Variants in CALN1 observed in about 807,000 individuals in gnomAD.
CALN1 encodes calneuron 1, also known as calcium-binding protein 8.
CALN1 carries 17 observed loss-of-function variants against 30.6 expected under a neutral mutation model. The observed-to-expected ratio is 0.56, with a 90% CI of 0.38 to 0.83. CALN1 has a LOEUF of 0.83. Ranked by LOEUF, CALN1 falls within the 40% of genes least tolerant of loss-of-function variation. The probability of loss-of-function intolerance (pLI) is 0.00; values close to 1 mark genes in which losing one functional copy is unlikely to be tolerated. For synonymous variants in CALN1, 156 were observed against 131.4 expected (o/e 1.19, Z -1.28); for missense variants, 291 against 354.9 (o/e 0.82, Z 1.45).
chr7:72,234,170 C>T (rs1794313089), intron 3 of CALN1, among the ~76,000 whole-genome samples: 1 of 152,122 alleles, frequency 6.6e-6, no homozygotes, highest in Non-Finnish European at 1.5e-5. Flanking sequence ...AAGATAGAGG[C>T]AGTTTGCAGG....
intron 5 of CALN1, among the ~76,000 whole-genome samples, chr7:71,827,629 G>A (rs1222941170): frequency 4.0e-5 from 6 of 151,828 alleles, no homozygotes; most frequent in Non-Finnish European, 7.4e-5. Flanking sequence ...AAAATTAGCT[G>A]GGCATGGTGG....
chr7:72,147,888 A>G (rs1786885404), intron 3 of CALN1, among the ~76,000 whole-genome samples: 1 of 148,742 alleles, frequency 6.7e-6, no homozygotes, highest in African/African-American at 2.5e-5. Context: ...CACAGGTGGG[A>G]ATTGAACATT....
rs1797520843 is a variant in CALN1 at position 72,278,628 on chromosome 7, AG to A, written c.244+57del. On this transcript the variant is annotated intron_variant, in intron 3 of 6. Coordinates refer to ENST00000395275, the MANE Select transcript of CALN1 (RefSeq NM_031468.4). ...AGGGCTTTCAATTGAGCTTCACAAT[AG>A]CCAGAAACACCTCCCTGGGAGGGGG... 4 of 1,587,048 alleles carry A rather than the reference AG, an allele frequency of 2.5e-6. No individual in the cohort carries two copies. In the Admixed American group the frequency reaches 5.0e-5, roughly 20 times the overall value.
At position 72,048,529 on chromosome 7, in the gene CALN1, G is replaced by T. The variant is rs186167584; in HGVS notation, c.389-24760C>A. 3.3e-5 allele frequency among the ~76,000 whole-genome samples: 5 copies of T among 152,216 alleles called. No individual in the cohort carries two copies. In the East Asian group the frequency reaches 9.6e-4, roughly 29 times the overall value. The stretch of plus-strand genomic sequence containing the variant: ...GGAAAAGTTGAAATCTGCATGATAT[G>T]AACTTTTTACTTATACACTTAGACT... On this transcript the variant is annotated intron_variant, in intron 4 of 6. Transcript: ENST00000395275.
chr7:72,145,774 T>G (rs1375620716), intron 3 of CALN1, among the ~76,000 whole-genome samples: 1 of 152,138 alleles, frequency 6.6e-6, no homozygotes, highest in East Asian at 1.9e-4. Flanking sequence ...TTATCCACCA[T>G]GATCAAGTGG....
intron 5 of CALN1, among the ~76,000 whole-genome samples, chr7:71,838,765 G>T (rs1285037006): frequency 6.6e-6 from 1 of 152,046 alleles, no homozygotes; most frequent in African/African-American, 2.4e-5. Flanking sequence ...TTTATAAGGG[G>T]CTTTTCCCTC....
chr7:72,399,052 G>A (rs563361688), intron 2 of CALN1, among the ~76,000 whole-genome samples: 11 of 152,170 alleles, frequency 7.2e-5, no homozygotes, highest in African/African-American at 2.2e-4. Flanking sequence ...TGAGAAAAAG[G>A]AGTAGAAGAG....
intron 3 of CALN1, among the ~76,000 whole-genome samples, chr7:72,189,318 G>A (rs867421319): frequency 3.3e-5 from 5 of 152,080 alleles, no homozygotes; most frequent in South Asian, 4.2e-4. Context: ...TTTGGAGAGC[G>A]GACTTTTTTG....
chr7:72,294,682 A>T (rs954922120), intron 2 of CALN1, among the ~76,000 whole-genome samples: 1 of 151,942 alleles, frequency 6.6e-6, no homozygotes, highest in Admixed American at 6.6e-5. Flanking sequence ...CCAAGAAGTC[A>T]AGGCTGCAGT....
intron 3 of CALN1, among the ~76,000 whole-genome samples, chr7:72,141,318 G>C (rs907608009): frequency 6.6e-6 from 1 of 151,932 alleles, no homozygotes. Context: ...AAGAAAAAAA[G>C]GCCAGGTGCA....
intron 5 of CALN1, among the ~76,000 whole-genome samples, chr7:71,982,064 T>C (rs1798427629): frequency 6.6e-6 from 1 of 152,202 alleles, no homozygotes; most frequent in South Asian, 2.1e-4. Context: ...CTTCTAGCTT[T>C]CTCTCTTAGG....
At chr7:72,176,647 C>T (rs923101087) in intron 3 of CALN1, among the ~76,000 whole-genome samples, 1 of 152,166 alleles carries the variant, frequency 6.6e-6, no homozygotes, top group African/African-American at 2.4e-5. Context: ...CATGTACAGC[C>T]TGTAGAACCA....
At chr7:72,019,040 G>A (rs1800560846) in intron 5 of CALN1, among the ~76,000 whole-genome samples, 1 of 149,054 alleles carries the variant, frequency 6.7e-6, no homozygotes, top group Non-Finnish European at 1.5e-5. Context: ...CAGTAGAGAT[G>A]AGGTTTCACC....
rs554697720 is a variant in CALN1, at chr7:72,324,773, A to G, written c.120-45963T>C. On this transcript the variant is annotated intron_variant, in intron 2 of 6. Coordinates refer to ENST00000395275, the MANE Select transcript of CALN1 (RefSeq NM_031468.4). Reference sequence around the variant, plus strand: ...ATTTTTGTATTTTTTTGGTAGAGACAGGGTTTCACCCTGTTGGCCAGGCTG... The same window carrying G: ...ATTTTTGTATTTTTTTGGTAGAGACGGGGTTTCACCCTGTTGGCCAGGCTG... Among the ~76,000 whole-genome samples the G allele has an allele frequency of 1.2e-3, 182 of 151,946 alleles. 1 individual carries two copies. Among genetic ancestry groups the G allele is most frequent in the African/African-American group, 4.2e-3 (173 of 41,460 alleles).
At chr7:72,320,653 G>A (rs575731344) in intron 2 of CALN1, among the ~76,000 whole-genome samples, 1 of 152,008 alleles carries the variant, frequency 6.6e-6, no homozygotes, top group South Asian at 2.1e-4. Flanking sequence ...CGGCCAACAT[G>A]GCAAAACCCC....
At chr7:72,384,801 A>AAAAAAATTACTAGTTTGGACATTATT (rs1476802603) in intron 2 of CALN1, among the ~76,000 whole-genome samples, 2 of 152,186 alleles carry the variant, frequency 1.3e-5, no homozygotes, top group Admixed American at 1.3e-4. Context: ...CCTGAAAGAA[A>AAAAAAATTACTAGTTTGGACATTATT]AAAAAATTAC....
chr7:72,316,941 T>G (rs938935996), intron 2 of CALN1, among the ~76,000 whole-genome samples: 1 of 139,184 alleles, frequency 7.2e-6, no homozygotes, highest in African/African-American at 2.7e-5. Flanking sequence ...CAAGACTGCC[T>G]CTCAAAAGAA....
intron 2 of CALN1, among the ~76,000 whole-genome samples, chr7:72,336,503 G>A (rs1802048605): frequency 6.6e-6 from 1 of 151,714 alleles, no homozygotes; most frequent in South Asian, 2.1e-4. Flanking sequence ...GGCCGGCGCG[G>A]CCCCCAGCCC....
At chr7:72,003,267 C>T (rs144749392) in intron 5 of CALN1, among the ~76,000 whole-genome samples, 85 of 152,286 alleles carry the variant, frequency 5.6e-4, no homozygotes, top group African/African-American at 1.9e-3. Flanking sequence ...CTTAGGTATA[C>T]CCTTGTCAAG....
Sources: allele counts gnomAD v4.1 joint callset (sites outside exome capture counted in the v4.1 genomes callset), GRCh38; gene constraint gnomAD v4.1.1; transcripts MANE v1.5; gene names NCBI Gene and HGNC (gene_info 2026-07-23, HGNC 2026-07-21).